Variants in CR1L observed in about 807,000 individuals in gnomAD.
CR1L encodes complement C3b/C4b receptor 1 like.
CR1L carries 59 observed loss-of-function variants against 62.3 expected under a neutral mutation model. The ratio of observed to expected loss-of-function variants is 0.95; its 90% confidence interval spans 0.77 to 1.18. CR1L has a LOEUF of 1.18. CR1L is among the 50% of genes most tolerant of loss of function. The pLI is 0.00. For missense variants in CR1L, 700 were observed against 702.8 expected, an observed-to-expected ratio of 1.00 and a Z score of 0.04; for synonymous variants, 279 against 248.7, an observed-to-expected ratio of 1.12 and a Z score of -1.15.
intron 1 of CR1L, among the ~76,000 whole-genome samples, chr1:207,653,333 A>C (rs988225222): frequency 6.6e-6 from 1 of 152,224 alleles, no homozygotes; most frequent in Non-Finnish European, 1.5e-5. Flanking sequence ...TGGATGTTTT[A>C]TGGAGACAGC....
chr1:207,708,767 A>T, intron 10 of CR1L: 1 of 454,648 alleles, frequency 2.2e-6, no homozygotes, highest in South Asian at 1.6e-5. Flanking sequence ...ATTGCAAGCT[A>T]ATAAGGAATA....
chr1:207,710,515 C>T lies in CR1L; in HGVS notation c.1414+2252C>T, dbSNP rs1293806492. The T allele has an allele frequency of 5.2e-5, 83 of 1,608,584 alleles. 1 individual carries two copies. In the Middle Eastern group the frequency reaches 1.7e-3, roughly 33 times the overall value. On this transcript the variant is annotated intron_variant, in intron 10 of 11. Coordinates refer to ENST00000508064, the MANE Select transcript of CR1L (RefSeq NM_175710.2). ...GCAGAGGGAGAAAGGTGTTTGAGCTCGTGGGTGAGCCCTCCATATACTGCA... is the reference window on the plus strand; with the variant it reads ...GCAGAGGGAGAAAGGTGTTTGAGCTTGTGGGTGAGCCCTCCATATACTGCA...
chr1:207,721,212 T>G (rs548214329), intron 11 of CR1L, among the ~76,000 whole-genome samples: 14 of 152,130 alleles, frequency 9.2e-5, no homozygotes, highest in Non-Finnish European at 1.9e-4. Flanking sequence ...TTTATTATAC[T>G]TTAAGTTTTA....
chr1:207,674,693 G>A (rs374132587), intron 1 of CR1L, among the ~76,000 whole-genome samples: 1 of 152,096 alleles, frequency 6.6e-6, no homozygotes, highest in African/African-American at 2.4e-5. Flanking sequence ...TTGTTGTGAC[G>A]TTTACCCTCT....
At position 207,677,585 on chromosome 1, in the gene CR1L, TG is replaced by T. The variant is rs770421602; in HGVS notation, c.277+20del. 6.2e-7 allele frequency: 1 copy of T among 1,603,488 alleles called. No homozygotes were observed. Among genetic ancestry groups the T allele is most frequent in the Non-Finnish European group, 8.5e-7 (1 of 1,173,634 alleles). Reference sequence around the variant, plus strand: ...AGTGCAAACGTAAGTAACTCTGGAGTGGGAACCCCTCTGTTAGTCAAACATC... The same window carrying T: ...AGTGCAAACGTAAGTAACTCTGGAGTGGAACCCCTCTGTTAGTCAAACATC... On this transcript the variant is annotated intron_variant, in intron 2 of 11. Transcript: ENST00000508064.
intron 9 of CR1L, among the ~76,000 whole-genome samples, chr1:207,704,203 C>T (rs964703658): frequency 1.1e-4 from 17 of 152,076 alleles, no homozygotes; most frequent in African/African-American, 2.2e-4. Context: ...AAGACTTCAG[C>T]GGAGGAAATA....
intron 5 of CR1L, 106 bp downstream of exon 5, chr1:207,694,857 G>A (rs183635638): frequency 3.7e-5 from 58 of 1,560,302 alleles, no homozygotes; most frequent in Middle Eastern, 2.4e-4. Flanking sequence ...GAGCAGGGTC[G>A]AGAAGCAAAT....
chr1:207,662,141 T>C (rs10735495), intron 1 of CR1L, among the ~76,000 whole-genome samples: 82,870 of 151,642 alleles, frequency 0.55, 23,140 homozygotes, highest in East Asian at 0.68. Flanking sequence ...TTGCTCTTCT[T>C]GAGGAGTATC....
chr1:207,669,097 T>C (rs779575440), intron 1 of CR1L: 16 of 247,534 alleles, frequency 6.5e-5, no homozygotes, highest in Non-Finnish European at 1.2e-4. Context: ...AGCAGGGTGT[T>C]TGGAGGTGAG....
At chr1:207,712,479 G>C (rs1262165908) in intron 10 of CR1L, among the ~76,000 whole-genome samples, 2 of 152,182 alleles carry the variant, frequency 1.3e-5, no homozygotes. Context: ...TATAGCAAAA[G>C]AAATTCCCCC....
chr1:207,661,591 C>T (rs962317299), intron 1 of CR1L, among the ~76,000 whole-genome samples: 14 of 152,264 alleles, frequency 9.2e-5, no homozygotes, highest in Admixed American at 9.2e-4. Context: ...GGTCTTGACT[C>T]TTTATCCTAT....
chr1:207,679,486 G>T (rs185963921), intron 3 of CR1L, among the ~76,000 whole-genome samples: 5 of 152,098 alleles, frequency 3.3e-5, no homozygotes, highest in Admixed American at 2.6e-4. Flanking sequence ...CTCATGCATT[G>T]CTGGTAGGAA....
chr1:207,722,231 C>A (rs1414697166), intron 11 of CR1L, among the ~76,000 whole-genome samples: 1 of 112,190 alleles, frequency 8.9e-6, no homozygotes, highest in Non-Finnish European at 2.0e-5. Flanking sequence ...CTTTTGTTGC[C>A]GTTGCTTTTG....
chr1:207,696,500 A>G (rs529812939), intron 5 of CR1L, among the ~76,000 whole-genome samples: 2 of 152,308 alleles, frequency 1.3e-5, no homozygotes, highest in South Asian at 2.1e-4. Flanking sequence ...GCCAACAGAA[A>G]TTTAACCAGC....
intron 1 of CR1L, among the ~76,000 whole-genome samples, chr1:207,667,842 T>G (rs1381752046): frequency 2.0e-5 from 3 of 150,944 alleles, no homozygotes; most frequent in Non-Finnish European, 4.4e-5. Flanking sequence ...AATAATATTA[T>G]TTAAAAGTGG....
At chr1:207,706,044 T>TAA (rs56915397) in intron 9 of CR1L, among the ~76,000 whole-genome samples, 27 of 118,862 alleles carry the variant, frequency 2.3e-4, no homozygotes, top group African/African-American at 7.1e-4. Flanking sequence ...TATATATATA[T>TAA]AAAACACTGA....
chr1:207,714,113 A>G (rs1398685187), intron 10 of CR1L, among the ~76,000 whole-genome samples: 1 of 152,208 alleles, frequency 6.6e-6, no homozygotes, highest in Admixed American at 6.5e-5. Context: ...GAGGGTGGAG[A>G]AGAGTTTTAT....
chr1:207,701,391 G>C, intron 8 of CR1L, 128 bp from the exon 9 acceptor site: 2 of 1,233,832 alleles, frequency 1.6e-6, no homozygotes, highest in Non-Finnish European at 2.3e-6. Context: ...TTTTCTCAAG[G>C]TGCCAAAATC....
At chr1:207,684,284 A>T (rs1214928605) in intron 4 of CR1L, among the ~76,000 whole-genome samples, 4 of 152,194 alleles carry the variant, frequency 2.6e-5, no homozygotes, top group Non-Finnish European at 5.9e-5. Flanking sequence ...TAAAGATTTT[A>T]AAAATTGATA....
Sources: gnomAD v4.1 joint callset for allele counts (sites outside exome capture counted in the v4.1 genomes callset) on GRCh38, gnomAD v4.1.1 for gene constraint, MANE v1.5 for transcripts, NCBI Gene and HGNC (gene_info 2026-07-23, HGNC 2026-07-21) for gene names.